Variants in IL1RAPL2 observed in about 807,000 individuals in gnomAD.
IL1RAPL2 encodes the protein interleukin 1 receptor accessory protein like 2.
IL1RAPL2 carries 3 observed loss-of-function variants against 44.1 expected under a neutral mutation model. That is an observed-to-expected ratio of 0.07 (90% confidence interval 0.03 to 0.18). The LOEUF (loss-of-function observed/expected upper bound fraction) is 0.18. Ranked by LOEUF, IL1RAPL2 falls within the 10% of genes least tolerant of loss-of-function variation. The pLI, the probability that IL1RAPL2 is intolerant of heterozygous loss-of-function variation, is 1.00. For missense variants in IL1RAPL2, 391 were observed against 496.4 expected (o/e 0.79, Z 2.02); for synonymous variants, 181 against 178.8 (o/e 1.01, Z -0.10).
At chrX:105,600,662 TTAA>T (rs1373377001) in intron 6 of IL1RAPL2, among the ~76,000 whole-genome samples, 8 of 93,238 alleles carry the variant, frequency 8.6e-5, no homozygotes, top group South Asian at 9.4e-4. Flanking sequence ...GTTAATTTGA[TTAA>T]TAATATTTGA....
At chrX:105,346,842 G>A (rs1003761672) in intron 5 of IL1RAPL2, among the ~76,000 whole-genome samples, 4 of 112,048 alleles carry the variant, frequency 3.6e-5, no homozygotes, top group Non-Finnish European at 7.5e-5. Context: ...ATTTAGCATT[G>A]AGAAAAATAG....
chrX:105,060,585 C>CTTTTTCTTTTTTTTTTTTTTTTTTTTT (rs2032059751), intron 2 of IL1RAPL2, among the ~76,000 whole-genome samples: 1 of 70,170 alleles, frequency 1.4e-5, no homozygotes, highest in African/African-American at 6.1e-5. Context: ...TTTTCTTTTT[C>CTTTTTCTTTTTTTTTTTTTTTTTTTTT]TTTTTTTTTT....
At chrX:105,199,800 A>G (rs1193744742) in intron 3 of IL1RAPL2, among the ~76,000 whole-genome samples, 1 of 112,400 alleles carries the variant, frequency 8.9e-6, no homozygotes, top group Non-Finnish European at 1.9e-5. Flanking sequence ...GGACTGATAG[A>G]GATAGGTGGA....
intron 6 of IL1RAPL2, among the ~76,000 whole-genome samples, chrX:105,693,410 G>T (rs1005368700): frequency 9.0e-6 from 1 of 111,025 alleles, no homozygotes; most frequent in Non-Finnish European, 1.9e-5. Context: ...AAGAGTGCTG[G>T]TTGTTTAAAA....
intron 2 of IL1RAPL2, among the ~76,000 whole-genome samples, chrX:104,729,664 G>A (rs754048611): frequency 1.8e-4 from 19 of 108,108 alleles, no homozygotes; most frequent in African/African-American, 5.7e-4. Context: ...CTCACACTCT[G>A]CACCTTCAAG....
At chrX:105,125,906 A>G (rs1019432331) in intron 2 of IL1RAPL2, among the ~76,000 whole-genome samples, 2 of 111,115 alleles carry the variant, frequency 1.8e-5, no homozygotes, top group African/African-American at 6.5e-5. Context: ...AAAGGCAATA[A>G]ATAAATAAAT....
intron 2 of IL1RAPL2, among the ~76,000 whole-genome samples, chrX:104,985,930 C>G (rs2030553138): frequency 8.9e-6 from 1 of 111,764 alleles, no homozygotes; most frequent in Non-Finnish European, 1.9e-5. Context: ...AAATGAAAAG[C>G]TTATAGTAGA....
intron 6 of IL1RAPL2, among the ~76,000 whole-genome samples, chrX:105,592,222 A>C (rs1022203858): frequency 6.3e-5 from 7 of 111,389 alleles, no homozygotes; most frequent in African/African-American, 2.3e-4. Context: ...TTTTGTGTGA[A>C]GTTACAATAG....
Position 105,717,455 on chromosome X carries a change from T to C in IL1RAPL2, c.861T>C (p.Phe287=), listed in dbSNP as rs1259328259. The part of the protein sequence containing the change: ...PMIYWMKGEK[F]IEELAGHIRE... ...TCTACTGGATGAAAGGAGAAAAGTT[T>C]ATTGAAGAACTGGCAGGTCACATTA... is the stretch of plus-strand genomic sequence containing the variant. The change falls in exon 7 of 11, where the codon TTT becomes TTC. Residue 287 remains phenylalanine (F), a synonymous_variant. Coordinates refer to ENST00000372582, the MANE Select transcript of IL1RAPL2 (RefSeq NM_017416.2). 1 of 1,205,952 alleles carries C rather than the reference T, an allele frequency of 8.3e-7. No homozygotes were observed.
At chrX:105,159,844 C>A (rs762408766) in intron 2 of IL1RAPL2, among the ~76,000 whole-genome samples, 1 of 111,187 alleles carries the variant, frequency 9.0e-6, no homozygotes, top group African/African-American at 3.3e-5. Context: ...ATTTTGTCAT[C>A]AAAAAAGTAG....
chrX:105,523,150 C>T (rs1354452038), intron 6 of IL1RAPL2, among the ~76,000 whole-genome samples: 1 of 111,755 alleles, frequency 8.9e-6, no homozygotes, highest in Non-Finnish European at 1.9e-5. Flanking sequence ...CTTAAAACTT[C>T]ATGTACAACA....
At chrX:104,846,657 A>G (rs1330150458) in intron 2 of IL1RAPL2, among the ~76,000 whole-genome samples, 1 of 111,986 alleles carries the variant, frequency 8.9e-6, no homozygotes, top group Non-Finnish European at 1.9e-5. Context: ...CAGTAAACAT[A>G]CGTGTGCATG....
intron 6 of IL1RAPL2, among the ~76,000 whole-genome samples, chrX:105,703,419 G>GA (rs937547976): frequency 9.1e-6 from 1 of 110,447 alleles, no homozygotes; most frequent in Non-Finnish European, 1.9e-5. Flanking sequence ...AAAGTCTACA[G>GA]AAAAAAAATG....
chrX:105,266,515 G>T (rs1434789971), intron 4 of IL1RAPL2, among the ~76,000 whole-genome samples: 1 of 111,775 alleles, frequency 8.9e-6, no homozygotes, highest in Non-Finnish European at 1.9e-5. Flanking sequence ...AAAAGACAAA[G>T]ATAATTGCCT....
At chrX:105,375,540 C>CA (rs1255730470) in intron 5 of IL1RAPL2, among the ~76,000 whole-genome samples, 1 of 111,452 alleles carries the variant, frequency 9.0e-6, no homozygotes, top group African/African-American at 3.3e-5. Flanking sequence ...TCAACAACAA[C>CA]AAAAAAACCC....
intron 6 of IL1RAPL2, among the ~76,000 whole-genome samples, chrX:105,552,671 T>C (rs1470017064): frequency 8.9e-6 from 1 of 112,041 alleles, no homozygotes; most frequent in Admixed American, 9.5e-5. Flanking sequence ...GGAACCCATA[T>C]GCTGAAGGTG....
chrX:104,808,905 G>C lies in IL1RAPL2; in HGVS notation c.82+149910G>C, dbSNP rs541898181. 1.3e-3 allele frequency among the ~76,000 whole-genome samples: 148 copies of C among 111,437 alleles called. 1 individual carries two copies. The highest frequency in any genetic ancestry group is 4.7e-3 in the African/African-American group (143 of 30,695). ...GTTCTGAGGTTCAGCATCAAGAGTG[G>C]TCTACCTTCACAGAGCTTTTCACAC... is the stretch of plus-strand genomic sequence containing the variant. On this transcript the variant is annotated intron_variant, in intron 2 of 10. Coordinates refer to ENST00000372582, the MANE Select transcript of IL1RAPL2 (RefSeq NM_017416.2).
intron 6 of IL1RAPL2, among the ~76,000 whole-genome samples, chrX:105,712,379 T>A (rs930296883): frequency 1.8e-5 from 2 of 111,384 alleles, no homozygotes; most frequent in African/African-American, 6.5e-5. Context: ...AAGGTGGCCC[T>A]GAGCAGTGAG....
chrX:104,633,380 C>A (rs1424401999), intron 1 of IL1RAPL2, among the ~76,000 whole-genome samples: 3 of 111,762 alleles, frequency 2.7e-5, no homozygotes, highest in Non-Finnish European at 5.6e-5. Flanking sequence ...AGGATTCCCT[C>A]TTTTTCTATT....
Sources: allele counts gnomAD v4.1 joint callset (sites outside exome capture counted in the v4.1 genomes callset), GRCh38; gene constraint gnomAD v4.1.1; transcripts MANE v1.5; gene names NCBI Gene and HGNC (gene_info 2026-07-23, HGNC 2026-07-21).